Variants in PTPRN2 observed in about 807,000 individuals in gnomAD.
PTPRN2 encodes receptor-type tyrosine-protein phosphatase N2.
A neutral mutation model predicts 118.8 loss-of-function variants in PTPRN2; 74 were observed. That is an observed-to-expected ratio of 0.62 (90% CI 0.52 to 0.76). PTPRN2 has a LOEUF of 0.76. PTPRN2 is among the 30% of genes least tolerant of loss of function. The pLI is 0.00. For missense variants in PTPRN2, 1,481 were observed against 1,394.4 expected, an observed-to-expected ratio of 1.06 and a Z score of -0.99; for synonymous variants, 641 against 608.0, an observed-to-expected ratio of 1.05 and a Z score of -0.80.
At chr7:157,797,001 C>T (rs991354480) in intron 12 of PTPRN2, among the ~76,000 whole-genome samples, 4 of 152,196 alleles carry the variant, frequency 2.6e-5, no homozygotes, top group Non-Finnish European at 4.4e-5. Flanking sequence ...AGTTCCGACT[C>T]GCCGCTCAGA....
chr7:158,025,800 G>T (rs939402513), intron 11 of PTPRN2, among the ~76,000 whole-genome samples: 1 of 152,266 alleles, frequency 6.6e-6, no homozygotes, highest in Non-Finnish European at 1.5e-5. Context: ...CAAACCCTAA[G>T]AAAAGCGGCA....
chr7:158,327,341 AC>A (rs1388862941), intron 2 of PTPRN2, among the ~76,000 whole-genome samples: 4 of 150,716 alleles, frequency 2.7e-5, no homozygotes, highest in Non-Finnish European at 4.4e-5. Context: ...ACGTGCTCAC[AC>A]ATGCTCACAC....
intron 1 of PTPRN2, among the ~76,000 whole-genome samples, chr7:158,506,952 G>A (rs1292173651): frequency 3.3e-5 from 5 of 152,220 alleles, no homozygotes; most frequent in Admixed American, 6.5e-5. Flanking sequence ...GCTCTGGTTC[G>A]GGGTGGTTTG....
intron 2 of PTPRN2, among the ~76,000 whole-genome samples, chr7:158,455,180 G>A (rs757660115): frequency 6.6e-6 from 1 of 152,278 alleles, no homozygotes; most frequent in Non-Finnish European, 1.5e-5. Context: ...AAACATACAC[G>A]AAAGCAGAGA....
intron 3 of PTPRN2, among the ~76,000 whole-genome samples, chr7:158,238,346 T>A (rs1223620281): frequency 1.3e-5 from 2 of 151,888 alleles, no homozygotes; most frequent in African/African-American, 4.8e-5. Flanking sequence ...TCCTGCCAGT[T>A]ACTATAAAAT....
intron 2 of PTPRN2, among the ~76,000 whole-genome samples, chr7:158,331,467 G>C (rs1804427602): frequency 6.8e-6 from 1 of 148,074 alleles, no homozygotes; most frequent in East Asian, 2.0e-4. Flanking sequence ...GACACCCGCA[G>C]ACGTCACTCA....
chr7:157,677,063 T>C (rs573340114), intron 13 of PTPRN2, among the ~76,000 whole-genome samples: 1 of 152,022 alleles, frequency 6.6e-6, no homozygotes, highest in East Asian at 1.9e-4. Flanking sequence ...GAGTGCAGGG[T>C]GAGCACGTCT....
intron 3 of PTPRN2, 74 bp from the exon 4 acceptor site, chr7:158,205,347 T>C: frequency 9.2e-7 from 1 of 1,086,102 alleles, no homozygotes; most frequent in South Asian, 1.3e-5. Context: ...AGTCTCACAA[T>C]TAGTTGCATT....
intron 12 of PTPRN2, among the ~76,000 whole-genome samples, chr7:157,755,846 G>T (rs1801748144): frequency 6.6e-6 from 1 of 152,084 alleles, no homozygotes; most frequent in Non-Finnish European, 1.5e-5. Context: ...AATACACCCA[G>T]GAAGCAAACC....
chr7:158,171,228 CACA>C (rs1823591008), intron 5 of PTPRN2, among the ~76,000 whole-genome samples: 1 of 135,464 alleles, frequency 7.4e-6, no homozygotes, highest in East Asian at 2.1e-4. Flanking sequence ...CATATATACA[CACA>C]TATATATACA....
At chr7:157,773,815 T>A (rs1393047569) in intron 12 of PTPRN2, among the ~76,000 whole-genome samples, 1 of 152,194 alleles carries the variant, frequency 6.6e-6, no homozygotes, top group Admixed American at 6.5e-5. Flanking sequence ...TTTGTGATGA[T>A]GGTAACAATA....
intron 12 of PTPRN2, among the ~76,000 whole-genome samples, chr7:157,748,521 TCTC>T (rs1228409703): frequency 1.8e-4 from 26 of 148,450 alleles, no homozygotes; most frequent in South Asian, 6.5e-4. Flanking sequence ...TAGGTCTGCG[TCTC>T]TGAGCTGTGG....
At position 158,392,687 on chromosome 7, in the gene PTPRN2, G is replaced by C. The variant is rs553244538; in HGVS notation, c.164-75755C>G. ...GTTTCACCAACTGCGAAGACACAAA[G>C]CCGGGCCCTGGGTCCAGTCAGCAGC... On this transcript the variant is annotated intron_variant, in intron 2 of 22. Coordinates refer to ENST00000389418, the MANE Select transcript of PTPRN2 (RefSeq NM_002847.5). Among the ~76,000 whole-genome samples, 3 of 152,300 alleles carry C rather than the reference G, an allele frequency of 2.0e-5. No homozygotes were observed. In the East Asian group the frequency reaches 5.8e-4, roughly 29 times the overall value.
rs182618580 is a variant in PTPRN2, at chr7:158,517,844, C to T, written c.113-28059G>A. On this transcript the variant is annotated intron_variant, in intron 1 of 22. Coordinates refer to ENST00000389418, the MANE Select transcript of PTPRN2 (RefSeq NM_002847.5). This position sits in a 1 kb window ranked among gnomAD's most constrained non-coding sequence, Gnocchi z 5.3. ...CCTTCGTCACACATCCCACACACCC[C>T]GGTTTGTTCCCACCAGGCCTTCACT... is the stretch of plus-strand genomic sequence containing the variant. 1.3e-4 allele frequency among the ~76,000 whole-genome samples: 20 copies of T among 152,178 alleles called. No homozygotes were observed. The highest frequency in any genetic ancestry group is 2.0e-4 in the Admixed American group (3 of 15,282).
intron 13 of PTPRN2, among the ~76,000 whole-genome samples, chr7:157,668,053 G>A (rs1358668212): frequency 6.6e-6 from 1 of 152,260 alleles, no homozygotes; most frequent in African/African-American, 2.4e-5. Context: ...AAACAGAGGA[G>A]GCCATGGTCA....
intron 11 of PTPRN2, among the ~76,000 whole-genome samples, chr7:158,005,232 A>G (rs1438959292): frequency 6.6e-6 from 1 of 151,900 alleles, no homozygotes; most frequent in Admixed American, 6.6e-5. Flanking sequence ...GAGCCACCAC[A>G]CTTGGCGAAT....
In PTPRN2 at chr7:157,656,529, G is replaced by A. The variant is rs954741129; in HGVS notation, c.2024C>T (p.Ala675Val). 6.5e-6 allele frequency: 10 copies of A among 1,545,306 alleles called. No individual in the cohort carries two copies. The highest frequency in any genetic ancestry group is 1.4e-5 in the African/African-American group (1 of 73,446). Residue 675 changes from alanine (A) to valine (V), a missense_variant, in exon 14 of 23, where the codon GCC (alanine) becomes GTC (valine). Transcript: ENST00000389418. ...AYQELCRQRM[A>V]TRPPDRPEGP... ...CTCAGGTCGGTCTGGTGGCCGCGTG[G>A]CCATACGCTGGCGGCACAGCTCCTG...
At chr7:158,176,071 T>C (rs1824178740) in intron 5 of PTPRN2, among the ~76,000 whole-genome samples, 1 of 152,072 alleles carries the variant, frequency 6.6e-6, no homozygotes, top group African/African-American at 2.4e-5. Flanking sequence ...CAGCCCACCC[T>C]ACTTTGCCCG....
Position 158,203,176 on chromosome 7 carries a change from G to A in PTPRN2, c.380+1995C>T, listed in dbSNP as rs142815875. ...GAACCCAAGAGGTGGAGGCTGTAGT[G>A]AGCCAAGATCGTGCCACTGCACTCC... On this transcript the variant is annotated intron_variant, in intron 4 of 22. Coordinates refer to ENST00000389418, the MANE Select transcript of PTPRN2 (RefSeq NM_002847.5). 9.4e-3 allele frequency among the ~76,000 whole-genome samples: 1,206 copies of A among 128,800 alleles called. 22 individuals are homozygous for A. Among genetic ancestry groups the A allele is most frequent in the African/African-American group, 0.034 (1,139 of 33,828 alleles). 84.5% of individuals were successfully genotyped at this position (128,800 alleles called of 152,430 possible).
Sources: allele counts gnomAD v4.1 joint callset (sites outside exome capture counted in the v4.1 genomes callset), GRCh38; gene constraint gnomAD v4.1.1; non-coding constraint Gnocchi (gnomAD v3.1); transcripts MANE v1.5; gene names NCBI Gene and HGNC (gene_info 2026-07-23, HGNC 2026-07-21).